Variants in PSMD5 observed in about 807,000 individuals in gnomAD.
PSMD5 encodes the protein proteasome 26S subunit, non-ATPase 5.
In PSMD5, 40 loss-of-function variants were observed where a neutral mutation model predicts 52.1. The observed-to-expected ratio is 0.77, with a 90% CI of 0.60 to 1.00. The LOEUF (loss-of-function observed/expected upper bound fraction) is 1.00, where lower values mean the gene tolerates loss of function less well. PSMD5 is among the 50% of genes least tolerant of loss of function. The pLI is 0.00. For synonymous variants in PSMD5, 211 were observed against 226.6 expected (o/e 0.93, Z 0.62); for missense variants, 575 against 605.2 (o/e 0.95, Z 0.52).
rs78266638 is a variant in PSMD5, at chr9:120,817,821, C to G, written c.*85G>C. 2,926 of 1,384,306 alleles carry G rather than the reference C, an allele frequency of 2.1e-3. 56 individuals are homozygous for G. The African/African-American group carries it at 0.038, about 18-fold the overall frequency. 85.8% of individuals were successfully genotyped at this position (1,384,306 alleles called of 1,614,324 possible). ...ATGATAATTCTTGGGGAAAGGAAGT[C>G]TCTTTTGTGAAATATAGATGGAGTC... is the stretch of plus-strand genomic sequence containing the variant. On this transcript the variant is annotated 3_prime_UTR_variant, in exon 10 of 10. Coordinates refer to ENST00000210313, the MANE Select transcript of PSMD5 (RefSeq NM_005047.4).
chr9:120,841,046 C>A (rs537613030), intron 1 of PSMD5, among the ~76,000 whole-genome samples: 1 of 152,098 alleles, frequency 6.6e-6, no homozygotes, highest in Non-Finnish European at 1.5e-5. Flanking sequence ...GCCACTGCAC[C>A]GGGCCTACAA....
intron 8 of PSMD5, 67 bp downstream of exon 8, chr9:120,821,288 T>G (rs2045082244): frequency 9.5e-7 from 1 of 1,056,686 alleles, no homozygotes; most frequent in Admixed American, 2.4e-5. Flanking sequence ...ATTTATCATG[T>G]TGATTCATAC....
rs2045046229 is a variant in PSMD5, at chr9:120,816,869, G to A, written c.*1037C>T. 1 of 152,118 alleles carries A rather than the reference G, an allele frequency of 6.6e-6. No individual in the cohort carries two copies. The highest frequency in any genetic ancestry group is 2.4e-5 in the African/African-American group (1 of 41,418). The allele number at this position is 152,118 out of a possible 1,614,324, so 9.4% of individuals were successfully genotyped here. On this transcript the variant is annotated 3_prime_UTR_variant, in exon 10 of 10. Coordinates refer to ENST00000210313, the MANE Select transcript of PSMD5 (RefSeq NM_005047.4). ...ATTAGGAGTAAGTTTCCCTTTCTCT[G>A]ATCAACTCAAGATTGACTTTATAGG...
Position 120,833,363 on chromosome 9 carries a change from C to T in PSMD5, c.267G>A (p.Gln89=). ...AATCATCAGGGTGAATTAGTCCCCTCTGCAGGTCAACCCTGAGGTTCCGGG... is the reference window on the plus strand; with the variant it reads ...AATCATCAGGGTGAATTAGTCCCCTTTGCAGGTCAACCCTGAGGTTCCGGG... ...HVARNLRVDL[Q]RGLIHPDDSV... The change falls in exon 2 of 10, where the codon CAG becomes CAA. Residue 89 remains glutamine, a synonymous_variant. Coordinates refer to ENST00000210313, the MANE Select transcript of PSMD5 (RefSeq NM_005047.4). 1 of 1,614,020 alleles carries T rather than the reference C, an allele frequency of 6.2e-7. No individual in the cohort carries two copies. Among genetic ancestry groups the T allele is most frequent in the Non-Finnish European group, 8.5e-7 (1 of 1,179,950 alleles).
intron 5 of PSMD5, among the ~76,000 whole-genome samples, chr9:120,827,408 T>G (rs1415529770): frequency 2.0e-5 from 3 of 152,214 alleles, no homozygotes; most frequent in Non-Finnish European, 4.4e-5. Context: ...ACACATATGT[T>G]TCCTTACACA....
intron 6 of PSMD5, among the ~76,000 whole-genome samples, chr9:120,826,157 G>T (rs1038764132): frequency 3.9e-5 from 6 of 152,006 alleles, no homozygotes; most frequent in African/African-American, 1.2e-4. Flanking sequence ...ACCATGCCCG[G>T]CTAATTTTTT....
intron 1 of PSMD5, 50 bp downstream of exon 1, chr9:120,842,687 A>G: frequency 1.9e-6 from 3 of 1,603,398 alleles, no homozygotes; most frequent in Non-Finnish European, 1.7e-6. Context: ...TCTCATGTCC[A>G]TATTTAGGGG....
At chr9:120,827,444 A>G (rs937163874) in intron 5 of PSMD5, among the ~76,000 whole-genome samples, 3 of 152,238 alleles carry the variant, frequency 2.0e-5, no homozygotes, top group African/African-American at 7.2e-5. Flanking sequence ...CCACATATTA[A>G]GAAATTAACA....
intron 1 of PSMD5, among the ~76,000 whole-genome samples, chr9:120,835,735 A>C: frequency 6.6e-6 from 1 of 152,136 alleles, no homozygotes; most frequent in South Asian, 2.1e-4. Flanking sequence ...GTCTCAAAAA[A>C]AAAAAATAAA....
Position 120,816,697 on chromosome 9 carries a change from G to A in PSMD5, c.*1209C>T, listed in dbSNP as rs1477324123. The A allele has an allele frequency of 6.6e-6, 1 of 152,226 alleles. No individual in the cohort carries two copies. The highest frequency in any genetic ancestry group is 2.4e-5 in the African/African-American group (1 of 41,464). The allele number at this position is 152,226 out of a possible 1,614,324, so 9.4% of individuals were successfully genotyped here. A position where few individuals can be genotyped will look rare whatever the true frequency, so the allele number is the denominator to read the frequency against. ...CTCTGAACAGGTGATTTGGTGTGCA[G>A]AGTGCTTTGGCTTTGCTGTTTAGAG... On this transcript the variant is annotated 3_prime_UTR_variant, in exon 10 of 10. Coordinates refer to ENST00000210313, the MANE Select transcript of PSMD5 (RefSeq NM_005047.4).
chr9:120,836,894 T>C (rs1435452814), intron 1 of PSMD5, among the ~76,000 whole-genome samples: 1 of 151,176 alleles, frequency 6.6e-6, no homozygotes, highest in African/African-American at 2.4e-5. Context: ...GAACCGATTT[T>C]TTTTTTTTTT....
intron 9 of PSMD5, among the ~76,000 whole-genome samples, chr9:120,820,172 A>G (rs888985033): frequency 2.0e-5 from 3 of 152,256 alleles, no homozygotes; most frequent in Non-Finnish European, 4.4e-5. Context: ...CTGTAATTAT[A>G]TAAGTAACTG....
intron 7 of PSMD5, chr9:120,824,130 AAAG>A (rs2045105387): frequency 2.7e-5 from 5 of 182,214 alleles, no homozygotes; most frequent in Admixed American, 5.9e-5. Flanking sequence ...AAAAAAAAAA[AAAG>A]AATAGAAAAC....
chr9:120,818,286 T>C, intron 9 of PSMD5, 123 bp from the exon 10 acceptor site: 1 of 975,260 alleles, frequency 1.0e-6, no homozygotes. Flanking sequence ...TTTGTCTAAG[T>C]AAATTCCTTC....
chr9:120,822,233 T>C (rs1285160636), intron 7 of PSMD5, among the ~76,000 whole-genome samples: 1 of 152,100 alleles, frequency 6.6e-6, no homozygotes, highest in Non-Finnish European at 1.5e-5. Context: ...AAAATAAGCA[T>C]GTAGTCAGAG....
At position 120,828,443 on chromosome 9, in the gene PSMD5, C is replaced by CTTTT. The variant is rs34354549; in HGVS notation, c.671+652_671+655dup. The stretch of plus-strand genomic sequence containing the variant: ...TTCCTCATTTTGAAAAGCTCATATT[C>CTTTT]TTTTTTTTTTTTTTTTTTGAGACAG... On this transcript the variant is annotated intron_variant, in intron 5 of 9. Transcript: ENST00000210313. Among the ~76,000 whole-genome samples, 394 of 132,522 alleles carry CTTTT rather than the reference C, an allele frequency of 3.0e-3. 8 individuals are homozygous for CTTTT. The highest frequency in any genetic ancestry group is 0.011 in the African/African-American group (371 of 35,224). 86.9% of individuals were successfully genotyped at this position (132,522 alleles called of 152,430 possible).
chr9:120,829,762 A>G (rs1432981583), intron 4 of PSMD5, among the ~76,000 whole-genome samples: 1 of 152,206 alleles, frequency 6.6e-6, no homozygotes. Flanking sequence ...GCAATCATCA[A>G]TCAGGGTACA....
chr9:120,827,458 A>G (rs563688233), intron 5 of PSMD5, among the ~76,000 whole-genome samples: 1 of 152,346 alleles, frequency 6.6e-6, no homozygotes, highest in African/African-American at 2.4e-5. Flanking sequence ...ATTAACAATA[A>G]TTCTTTGGTA....
chr9:120,838,760 A>G (rs1342848252), intron 1 of PSMD5, among the ~76,000 whole-genome samples: 1 of 152,200 alleles, frequency 6.6e-6, no homozygotes, highest in Non-Finnish European at 1.5e-5. Flanking sequence ...AACTTGCGGT[A>G]TGACCTCTGG....
Sources: gnomAD v4.1 joint callset for allele counts (sites outside exome capture counted in the v4.1 genomes callset) on GRCh38, gnomAD v4.1.1 for gene constraint, MANE v1.5 for transcripts, NCBI Gene and HGNC (gene_info 2026-07-23, HGNC 2026-07-21) for gene names.